The following B4GALNT2 variants were observed in gnomAD, a reference collection of about 807,000 sequenced individuals.
B4GALNT2 encodes beta-1,4-N-acetyl-galactosaminyltransferase 2 (SID blood group).
In B4GALNT2, 42 loss-of-function variants were observed where a neutral mutation model predicts 51.1. The ratio of observed to expected loss-of-function variants is 0.82; its 90% CI spans 0.64 to 1.06. The LOEUF (loss-of-function observed/expected upper bound fraction) is 1.06, where lower values mean the gene tolerates loss of function less well. Among genes scored for constraint, B4GALNT2 ranks in the 50% least tolerant of loss-of-function variants. The pLI is 0.00. For synonymous variants in B4GALNT2, 253 were observed against 251.7 expected (o/e 1.01, Z -0.05); for missense variants, 602 against 633.6 (o/e 0.95, Z 0.54).
At chr17:49,134,529 C>T (rs529811733) in intron 1 of B4GALNT2, among the ~76,000 whole-genome samples, 1 of 152,152 alleles carries the variant, frequency 6.6e-6, no homozygotes, top group Admixed American at 6.5e-5. Context: ...CTCAGCCTCC[C>T]GAATAGCTGG....
At chr17:49,166,333 T>C (rs771843247) in intron 9 of B4GALNT2, 79 bp downstream of exon 9, 51 of 442,932 alleles carry the variant, frequency 1.2e-4, no homozygotes, top group Non-Finnish European at 1.6e-4. Flanking sequence ...GGAAGAAATA[T>C]ATAAGAGAAG....
chr17:49,170,042 G>T lies in B4GALNT2; in HGVS notation c.*314G>T. The T allele has an allele frequency of 4.2e-6, 1 of 239,742 alleles. No homozygotes were observed. Among genetic ancestry groups the T allele is most frequent in the African/African-American group, 2.2e-5 (1 of 44,822 alleles). The allele number at this position is 239,742 out of a possible 1,614,324, so 14.9% of individuals were successfully genotyped here. On this transcript the variant is annotated 3_prime_UTR_variant, in exon 11 of 11. Coordinates refer to ENST00000393354, the MANE Select transcript of B4GALNT2 (RefSeq NM_001159387.2). ...ATATCACACAAAGATGACATTGGTT[G>T]GTGTCCTCAGTCAAAAGAACAGCTG... is the stretch of plus-strand genomic sequence containing the variant.
intron 4 of B4GALNT2, among the ~76,000 whole-genome samples, chr17:49,154,975 CTG>C (rs1317667449): frequency 6.6e-6 from 1 of 152,112 alleles, no homozygotes; most frequent in Non-Finnish European, 1.5e-5. Context: ...ATCTTAAAAA[CTG>C]TTTTTCATTT....
intron 10 of B4GALNT2, 90 bp downstream of exon 10, chr17:49,168,990 A>G: frequency 1.5e-6 from 2 of 1,343,966 alleles, no homozygotes; most frequent in African/African-American, 2.9e-5. Context: ...CGGCTGGCTG[A>G]TCATAGTCGC....
At position 49,153,507 on chromosome 17, in the gene B4GALNT2, AT is replaced by A. The variant is rs569207630; in HGVS notation, c.460+615del. Reference sequence around the variant, plus strand: ...AGCACAAGGCAAGAAGCTTGATGTGATTTTTTTTTTTTTTATTGCGACGGAG... The same window carrying A: ...AGCACAAGGCAAGAAGCTTGATGTGATTTTTTTTTTTTTATTGCGACGGAG... On this transcript the variant is annotated intron_variant, in intron 4 of 10. Transcript: ENST00000393354. 2.9e-3 allele frequency among the ~76,000 whole-genome samples: 423 copies of A among 145,670 alleles called. 1 individual carries two copies. Among genetic ancestry groups the A allele is most frequent in the Middle Eastern group, 7.1e-3 (2 of 282 alleles).
Position 49,169,615 on chromosome 17 carries a change from G to A in B4GALNT2, c.1408G>A (p.Glu470Lys). Residue 470 changes from glutamate to lysine, a missense_variant, in exon 11 of 11, where the codon GAA becomes AAA. Glu to Lys is a moderately conservative substitution (Grantham distance 56, BLOSUM62 1). Transcript: ENST00000393354. ...GTCTCGGTCTCCAGTGGTGGACTCA[G>A]AACTGGCTGCCCTAGAGAAGACCTA... ...HQSRSPVVDS[E>K]LAALEKTYNT... 6.2e-7 allele frequency: 1 copy of A among 1,613,326 alleles called. No homozygotes were observed. The highest frequency in any genetic ancestry group is 8.5e-7 in the Non-Finnish European group (1 of 1,179,958).
intron 8 of B4GALNT2, among the ~76,000 whole-genome samples, chr17:49,165,006 G>A (rs1042314980): frequency 1.3e-5 from 2 of 151,906 alleles, no homozygotes; most frequent in Non-Finnish European, 2.9e-5. Flanking sequence ...TAGAGATGGG[G>A]TCTCACTGTG....
the B4GALNT2 span, among the ~76,000 whole-genome samples, chr17:49,125,735 TCCCGGAGGGAGGTGGGGGGGTCAGCC>T: frequency 1.8e-5 from 2 of 112,544 alleles, no homozygotes; most frequent in African/African-American, 3.4e-5. Context: ...GGCCGCCCCG[TCCCGGAGGGAGGTGGGGGGGTCAGCC>T]CCCCGCCCGT....
rs1157776955 is a variant in B4GALNT2, at chr17:49,175,798, T to C, written c.*6070T>C. ...CTCGAGGCACTGCTAGAACAGTCAC[T>C]GGGGCAACTACTTTTCACCCAGTGT... On this transcript the variant is annotated 3_prime_UTR_variant, in exon 11 of 11. Transcript: ENST00000393354. The C allele has an allele frequency of 2.0e-5, 3 of 152,162 alleles. No individual in the cohort carries two copies. In the South Asian group the frequency reaches 6.2e-4, roughly 32 times the overall value. 9.4% of individuals were successfully genotyped at this position (152,162 alleles called of 1,614,324 possible).
chr17:49,140,050 T>C lies in B4GALNT2; in HGVS notation c.15-1197T>C, dbSNP rs372419602. On this transcript the variant is annotated intron_variant, in intron 1 of 10. Coordinates refer to ENST00000393354, the MANE Select transcript of B4GALNT2 (RefSeq NM_001159387.2). ...TTTGCCCTATATTAATTTATAAATA[T>C]AATATAATATAATTTATAATAACCA... is the stretch of plus-strand genomic sequence containing the variant. 2.5e-3 allele frequency among the ~76,000 whole-genome samples: 372 copies of C among 149,202 alleles called. 7 individuals carry two copies. The highest frequency in any genetic ancestry group is 8.3e-3 in the African/African-American group (341 of 41,114).
chr17:49,150,844 C>T (rs8065909), intron 3 of B4GALNT2, among the ~76,000 whole-genome samples: 44,340 of 143,950 alleles, frequency 0.31, 7,411 homozygotes, highest in East Asian at 0.44. Flanking sequence ...CTTGTTTATC[C>T]GCTGACCTTC....
At chr17:49,142,824 G>A (rs138203473) in intron 3 of B4GALNT2, among the ~76,000 whole-genome samples, 1 of 152,314 alleles carries the variant, frequency 6.6e-6, no homozygotes, top group African/African-American at 2.4e-5. Context: ...TCATCACCAA[G>A]GTGCCCTATT....
chr17:49,166,872 G>A (rs533403073), intron 9 of B4GALNT2, among the ~76,000 whole-genome samples: 1 of 152,142 alleles, frequency 6.6e-6, no homozygotes, highest in South Asian at 2.1e-4. Flanking sequence ...AGGAGGCTGA[G>A]GTGGGAGGAT....
intron 1 of B4GALNT2, among the ~76,000 whole-genome samples, chr17:49,133,993 G>A (rs893769210): frequency 2.6e-5 from 4 of 152,168 alleles, no homozygotes; most frequent in African/African-American, 7.2e-5. Context: ...GGCGGAATGG[G>A]GGAAAGGAAG....
chr17:49,169,503 T>C lies in B4GALNT2; in HGVS notation c.1316-20T>C. 6.2e-7 allele frequency: 1 copy of C among 1,606,242 alleles called. No homozygotes were observed. The highest frequency in any genetic ancestry group is 1.1e-5 in the South Asian group (1 of 90,960). Reference sequence around the variant, plus strand: ...TCTGACCGCAGCTCCCACTTCCTTCTGCTCTCCCTCTCTTTGCAGAATTCT... The same window carrying C: ...TCTGACCGCAGCTCCCACTTCCTTCCGCTCTCCCTCTCTTTGCAGAATTCT... On this transcript the variant is annotated intron_variant, in intron 10 of 10. Transcript: ENST00000393354.
At position 49,142,120 on chromosome 17, in the gene B4GALNT2, C is replaced by G; in HGVS notation, c.301C>G (p.Leu101Val). ...NFQDAYGQSD[L>V]PAVKARRQAE... Reference sequence around the variant, plus strand: ...TCAGGATGCCTATGGCCAGAGCGACCTCCCAGCGGTGAAAGCGAGGAGACA... The same window carrying G: ...TCAGGATGCCTATGGCCAGAGCGACGTCCCAGCGGTGAAAGCGAGGAGACA... The change falls in exon 3 of 11, where the codon CTC becomes GTC. Residue 101 changes from leucine to valine, a missense_variant. By Grantham distance (32) the Leu-to-Val change is conservative (BLOSUM62 1). Coordinates refer to ENST00000393354, the MANE Select transcript of B4GALNT2 (RefSeq NM_001159387.2). 2 of 1,614,122 alleles carry G rather than the reference C, an allele frequency of 1.2e-6. No individual in the cohort carries two copies. The highest frequency in any genetic ancestry group is 1.7e-6 in the Non-Finnish European group (2 of 1,180,016).
the B4GALNT2 span, among the ~76,000 whole-genome samples, chr17:49,123,411 A>G: frequency 6.6e-6 from 1 of 152,364 alleles, no homozygotes; most frequent in African/African-American, 2.4e-5. Context: ...ACTGTAGAAA[A>G]TAATAAAAAT....
intron 8 of B4GALNT2, among the ~76,000 whole-genome samples, chr17:49,164,869 G>C (rs1471654189): frequency 1.3e-5 from 2 of 151,922 alleles, no homozygotes; most frequent in African/African-American, 4.8e-5. Context: ...GAGTGCAGTG[G>C]TGCAATCACA....
chr17:49,132,460 A>G (rs2042547611), upstream of B4GALNT2: 4 of 312,250 alleles, frequency 1.3e-5, no homozygotes, highest in Admixed American at 5.0e-5. Flanking sequence ...CGGGTGGGTC[A>G]AGGCCGCGAG....
Sources: gnomAD v4.1 joint callset for allele counts (sites outside exome capture counted in the v4.1 genomes callset) on GRCh38, gnomAD v4.1.1 for gene constraint, MANE v1.5 for transcripts, NCBI Gene and HGNC (gene_info 2026-07-23, HGNC 2026-07-21) for gene names.